ACACB: variants seen among roughly 807,000 people sequenced by gnomAD.
The protein encoded by ACACB is acetyl-CoA carboxylase 2.
ACACB carries 209 observed loss-of-function variants against 278.8 expected under a neutral mutation model. That is an observed-to-expected ratio of 0.75 (90% CI 0.67 to 0.84). The LOEUF (loss-of-function observed/expected upper bound fraction) is 0.84. ACACB is among the 40% of genes least tolerant of loss of function. The pLI, the probability that ACACB is intolerant of heterozygous loss-of-function variation, is 0.00. For synonymous variants in ACACB, 1,174 were observed against 1,285.6 expected (o/e 0.91, Z 1.86); for missense variants, 2,850 against 3,269.0 (o/e 0.87, Z 3.13).
At chr12:109,266,128 G>A (rs552262849) in intron 52 of ACACB, 108 bp from the exon 53 acceptor site, 201 of 1,385,126 alleles carry the variant, frequency 1.5e-4, no homozygotes, top group African/African-American at 1.1e-3. Flanking sequence ...GCAGGGACTC[G>A]GGAGCTCTGG....
intron 31 of ACACB, 44 bp downstream of exon 31, chr12:109,234,089 AG>A: frequency 6.7e-7 from 1 of 1,503,354 alleles, no homozygotes; most frequent in Non-Finnish European, 9.1e-7. Flanking sequence ...TTCTTGGAGA[AG>A]GAGGAGGGGC....
chr12:109,130,137 G>A (rs1376606423), intron 1 of ACACB, among the ~76,000 whole-genome samples: 1 of 152,150 alleles, frequency 6.6e-6, no homozygotes, highest in Non-Finnish European at 1.5e-5. Context: ...GGCTCACACT[G>A]CCCATGGTGC....
At chr12:109,210,436 CACAT>C (rs1485294684) in intron 21 of ACACB, among the ~76,000 whole-genome samples, 8 of 119,372 alleles carry the variant, frequency 6.7e-5, no homozygotes, top group South Asian at 2.6e-4. Flanking sequence ...TATATACACG[CACAT>C]ACATGTGTAT....
At chr12:109,222,091 C>T (rs888331252) in intron 24 of ACACB, among the ~76,000 whole-genome samples, 2 of 151,652 alleles carry the variant, frequency 1.3e-5, no homozygotes, top group Non-Finnish European at 1.5e-5. Flanking sequence ...CAAGGTTTTG[C>T]GCTGTTGCCC....
At chr12:109,185,523 T>G in intron 11 of ACACB, 56 bp from the exon 12 acceptor site, 1 of 1,601,054 alleles carries the variant, frequency 6.2e-7, no homozygotes, top group Admixed American at 1.7e-5. Context: ...GCCTGGTGTT[T>G]TGGGGCCGTG....
chr12:109,125,520 CAG>C lies in ACACB; in HGVS notation c.-10+8822_-10+8823del, dbSNP rs1327675425. The C allele has an allele frequency of 2.6e-5, 4 of 152,292 alleles. No individual in the cohort carries two copies. In the South Asian group the frequency reaches 6.2e-4, roughly 24 times the overall value. The allele number at this position is 152,292 out of a possible 1,614,324, so 9.4% of individuals were successfully genotyped here. On this transcript the variant is annotated intron_variant, in intron 1 of 52. Transcript: ENST00000338432. ...ATGAACTGGAGGGACAAGACCAGGC[CAG>C]AGAGACAGGTCAAGAGACTTTCGCA...
At chr12:109,114,383 TC>T (rs1408908645), upstream of ACACB, among the ~76,000 whole-genome samples, 1 of 152,058 alleles carries the variant, frequency 6.6e-6, no homozygotes, top group African/African-American at 2.4e-5. Flanking sequence ...AAGCTAGTGC[TC>T]CTCCAGCCTA....
At chr12:109,166,676 A>C (rs1279797393) in intron 2 of ACACB, among the ~76,000 whole-genome samples, 185 bp from the exon 3 acceptor site, 1 of 89,320 alleles carries the variant, frequency 1.1e-5, no homozygotes, top group Admixed American at 1.2e-4. Flanking sequence ...AAAAAAAAAA[A>C]ACCGAAGGTG....
chr12:109,140,276 T>A (rs931127475), intron 2 of ACACB, among the ~76,000 whole-genome samples: 2,726 of 20,962 alleles, frequency 0.13, 227 homozygotes, highest in African/African-American at 0.21. Context: ...CCTTCTTTCC[T>A]TCCTTCCTTC....
chr12:109,254,441 G>A lies in ACACB; in HGVS notation c.6166+107G>A, dbSNP rs1426346896. 62 of 1,109,798 alleles carry A rather than the reference G, an allele frequency of 5.6e-5. 1 individual carries two copies. The South Asian group carries it at 7.0e-4, about 13-fold the overall frequency. The allele number at this position is 1,109,798 out of a possible 1,614,324, so 68.7% of individuals were successfully genotyped here. A position where few individuals can be genotyped will look rare whatever the true frequency, so the allele number is the denominator to read the frequency against. ...CGCTTGAGACAAAGGCTTGATATTC[G>A]TTCTCATATCCCAGAGAGGTATACC... On this transcript the variant is annotated intron_variant, in intron 44 of 52. Coordinates refer to ENST00000338432, the MANE Select transcript of ACACB (RefSeq NM_001093.4).
intron 21 of ACACB, among the ~76,000 whole-genome samples, chr12:109,210,559 A>G (rs1354626348): frequency 6.7e-6 from 1 of 148,908 alleles, no homozygotes; most frequent in East Asian, 2.0e-4. Context: ...ATATATACAT[A>G]TATACATGTA....
chr12:109,218,769 ATCTT>A (rs1372246740), intron 24 of ACACB, among the ~76,000 whole-genome samples: 1 of 126,892 alleles, frequency 7.9e-6, no homozygotes, highest in East Asian at 2.4e-4. Context: ...TCTTCTATCT[ATCTT>A]TTTTTTTTTT....
At chr12:109,237,134 T>G in intron 33 of ACACB, 31 bp from the exon 34 acceptor site, 6 of 1,610,704 alleles carry the variant, frequency 3.7e-6, no homozygotes, top group Non-Finnish European at 5.1e-6. Context: ...TGTGTGTATG[T>G]GTCTGTCTTC....
chr12:109,235,736 G>A (rs978379367), intron 33 of ACACB, 89 bp downstream of exon 33: 4 of 1,237,520 alleles, frequency 3.2e-6, no homozygotes, highest in Non-Finnish European at 4.6e-6. Context: ...GGTGGCTCAA[G>A]CCCGTAATCC....
In ACACB at chr12:109,191,652, C is replaced by A. The variant is rs7135947; in HGVS notation, c.2184C>A (p.Gly728=). Residue 728 remains glycine (G), a synonymous_variant, in exon 14 of 53, where the codon GGC becomes GGA. Transcript: ENST00000338432. Reference sequence around the variant, plus strand: ...CTTTGAAGGAACTGTCCATCCGAGGCGACTTTAGGACTACCGTGGAATACC... The same window carrying A: ...CTTTGAAGGAACTGTCCATCCGAGGAGACTTTAGGACTACCGTGGAATACC... ...VVALKELSIR[G]DFRTTVEYLI... is the part of the protein sequence containing the mutation. The A allele has an allele frequency of 6.2e-7, 1 of 1,613,730 alleles. No individual in the cohort carries two copies. Among genetic ancestry groups the A allele is most frequent in the Admixed American group, 1.7e-5 (1 of 59,980 alleles).
intron 11 of ACACB, among the ~76,000 whole-genome samples, chr12:109,185,353 C>T (rs1310658750): frequency 3.9e-5 from 6 of 152,158 alleles, no homozygotes; most frequent in African/African-American, 1.4e-4. Context: ...AAATATTTTT[C>T]CTTTTCCCAA....
intron 27 of ACACB, among the ~76,000 whole-genome samples, chr12:109,227,018 A>T (rs2046332006): frequency 6.6e-6 from 1 of 151,684 alleles, no homozygotes; most frequent in East Asian, 1.9e-4. Flanking sequence ...TGGTGCTATC[A>T]TAGCTCATTG....
intron 1 of ACACB, among the ~76,000 whole-genome samples, chr12:109,127,434 C>A (rs12304071): frequency 1.4e-4 from 20 of 143,520 alleles, no homozygotes; most frequent in Middle Eastern, 3.5e-3. Flanking sequence ...AAAAAAAAAA[C>A]CCAAAAAACC....
In ACACB at chr12:109,139,564, C is replaced by T; in HGVS notation, c.159C>T (p.Asn53=). 1 of 1,614,120 alleles carries T rather than the reference C, an allele frequency of 6.2e-7. No individual in the cohort carries two copies. The highest frequency in any genetic ancestry group is 8.5e-7 in the Non-Finnish European group (1 of 1,180,028). The part of the protein sequence containing the change: ...PSQEPFPASD[N]SGETPQRNGE... ...AGGAGCCCTTTCCAGCCTCTGATAA[C>T]TCAGGGGAGACACCGCAGAGAAATG... The change falls in exon 2 of 53, where the codon AAC becomes AAT. Residue 53 remains asparagine (N), a synonymous_variant. Coordinates refer to ENST00000338432, the MANE Select transcript of ACACB (RefSeq NM_001093.4).
Sources: allele counts gnomAD v4.1 joint callset (sites outside exome capture counted in the v4.1 genomes callset), GRCh38; gene constraint gnomAD v4.1.1; transcripts MANE v1.5; gene names NCBI Gene and HGNC (gene_info 2026-07-23, HGNC 2026-07-21).